Variants in SOD2 observed in about 807,000 individuals in gnomAD.
SOD2 encodes superoxide dismutase [Mn], mitochondrial.
A neutral mutation model predicts 27.0 loss-of-function variants in SOD2; 11 were observed. The observed-to-expected ratio is 0.41, with a 90% CI of 0.26 to 0.67. The LOEUF is 0.67. Ranked by LOEUF, SOD2 falls within the 30% of genes least tolerant of loss-of-function variation. The pLI is 0.34. For synonymous variants in SOD2, 105 were observed against 103.0 expected (o/e 1.02, Z -0.12); for missense variants, 250 against 274.5 (o/e 0.91, Z 0.63).
In SOD2 at chr6:159,682,440, C is replaced by G; in HGVS notation, c.*53G>C. On this transcript the variant is annotated 3_prime_UTR_variant, in exon 5 of 5. Coordinates refer to ENST00000538183, the MANE Select transcript of SOD2 (RefSeq NM_000636.4). Reference sequence around the variant, plus strand: ...TACTGTATTCTGCAGTACTCTATACCACTACAAAAACAGTCATAAAGAGCT... The same window carrying G: ...TACTGTATTCTGCAGTACTCTATACGACTACAAAAACAGTCATAAAGAGCT... The G allele has an allele frequency of 3.2e-6, 5 of 1,554,832 alleles. No homozygotes were observed. Among genetic ancestry groups the G allele is most frequent in the Non-Finnish European group, 4.4e-6 (5 of 1,141,660 alleles).
chr6:159,707,507 G>C (rs2114815593), intron 1 of SOD2, among the ~76,000 whole-genome samples: 2 of 152,294 alleles, frequency 1.3e-5, no homozygotes, highest in East Asian at 3.9e-4. Flanking sequence ...AAATAAACTA[G>C]AAAATCTAGA....
intron 1 of SOD2, among the ~76,000 whole-genome samples, chr6:159,707,134 T>C (rs1777642396): frequency 1.3e-5 from 2 of 151,340 alleles, no homozygotes; most frequent in African/African-American, 4.9e-5. Flanking sequence ...TAGAGAGAAA[T>C]TTATAGCACT....
chr6:159,687,342 G>A (rs1053322956), intron 3 of SOD2, among the ~76,000 whole-genome samples: 10 of 152,028 alleles, frequency 6.6e-5, no homozygotes, highest in African/African-American at 1.9e-4. Context: ...AAAATTAGCC[G>A]GGAGTGATGC....
upstream of SOD2, chr6:159,749,012 C>T (rs1454730546): frequency 4.0e-6 from 4 of 1,009,848 alleles, no homozygotes; most frequent in African/African-American, 1.7e-5. Flanking sequence ...AATAGATGTC[C>T]GTACAAGTAG....
Position 159,681,856 on chromosome 6 carries a change from CCTA to C in SOD2, c.*634_*636del, listed in dbSNP as rs1382931343. ...CCTGCAAATAAACATCCTCCTTTCT[CCTA>C]CTGCAAAAACCACCTTTTTGCAGTT... On this transcript the variant is annotated 3_prime_UTR_variant, in exon 5 of 5. Coordinates refer to ENST00000538183, the MANE Select transcript of SOD2 (RefSeq NM_000636.4). The C allele has an allele frequency of 6.6e-6, 1 of 152,226 alleles. No individual in the cohort carries two copies. Among genetic ancestry groups the C allele is most frequent in the Non-Finnish European group, 1.5e-5 (1 of 68,056 alleles). 9.4% of individuals were successfully genotyped at this position (152,226 alleles called of 1,614,324 possible).
rs771084422 is a variant in SOD2, at chr6:159,692,500, G to C, written c.226+161C>G. The C allele has an allele frequency of 4.8e-6, 7 of 1,456,832 alleles. No homozygotes were observed. In the South Asian group the frequency reaches 1.0e-4, roughly 21 times the overall value. The allele number at this position is 1,456,832 out of a possible 1,614,324, so 90.2% of individuals were successfully genotyped here. A position where few individuals can be genotyped will look rare whatever the true frequency, so the allele number is the denominator to read the frequency against. On this transcript the variant is annotated intron_variant, in intron 2 of 4. Coordinates refer to ENST00000538183, the MANE Select transcript of SOD2 (RefSeq NM_000636.4). The stretch of plus-strand genomic sequence containing the variant: ...GAGGCACTCCTTCTACAATGAGGTA[G>C]ACCATGTGTTTAAAAGAGAGACTAT...
intron 1 of SOD2, among the ~76,000 whole-genome samples, chr6:159,735,620 G>A (rs911566096): frequency 6.6e-6 from 1 of 152,048 alleles, no homozygotes; most frequent in African/African-American, 2.4e-5. Flanking sequence ...GTGGTGGCAC[G>A]CACCTGTAGT....
intron 1 of SOD2, among the ~76,000 whole-genome samples, chr6:159,724,898 G>A (rs1583049694): frequency 6.7e-6 from 1 of 148,174 alleles, no homozygotes; most frequent in African/African-American, 2.5e-5. Flanking sequence ...AAGGAAGGGA[G>A]GGGGGAAGAG....
chr6:159,734,810 T>C (rs551266783), intron 1 of SOD2, among the ~76,000 whole-genome samples: 2 of 148,594 alleles, frequency 1.3e-5, no homozygotes, highest in South Asian at 4.2e-4. Flanking sequence ...TATATAAAGA[T>C]TTTATGTTTG....
chr6:159,714,725 A>G (rs537199086), intron 1 of SOD2, among the ~76,000 whole-genome samples: 1 of 152,180 alleles, frequency 6.6e-6, no homozygotes, highest in Admixed American at 6.5e-5. Flanking sequence ...CATTTTCATC[A>G]GAAGCCTTTG....
chr6:159,713,022 A>T (rs1222045450), intron 1 of SOD2: 10 of 637,160 alleles, frequency 1.6e-5, no homozygotes, highest in Middle Eastern at 2.6e-4. Flanking sequence ...CTACCAGTAA[A>T]CTCTGTCATC....
rs1392425171 is a variant in SOD2, at chr6:159,690,267, A to G, written c.227-2025T>C. Among the ~76,000 whole-genome samples, 3 of 144,486 alleles carry G rather than the reference A, an allele frequency of 2.1e-5. No homozygotes were observed. The East Asian group carries it at 6.3e-4, about 30-fold the overall frequency. 94.8% of individuals were successfully genotyped at this position (144,486 alleles called of 152,430 possible). A position where few individuals can be genotyped will look rare whatever the true frequency, so the allele number is the denominator to read the frequency against. ...ACATCACTGCACTCCAACCTGCGGG[A>G]CAGACTGAGATTCCGTCAAAAAAAA... On this transcript the variant is annotated intron_variant, in intron 2 of 4. Coordinates refer to ENST00000538183, the MANE Select transcript of SOD2 (RefSeq NM_000636.4).
intron 1 of SOD2, chr6:159,756,150 C>T (rs1780006414): frequency 6.5e-6 from 1 of 152,966 alleles, no homozygotes; most frequent in Non-Finnish European, 1.5e-5. Flanking sequence ...GTTTTTTCCA[C>T]CATACATCTG....
At chr6:159,712,500 A>C (rs1307961177) in intron 1 of SOD2, among the ~76,000 whole-genome samples, 8 of 95,090 alleles carry the variant, frequency 8.4e-5, no homozygotes, top group Admixed American at 5.1e-4. Flanking sequence ...TCTGACCTCC[A>C]TAACCACCTC....
chr6:159,752,574 T>C (rs535875413), intron 1 of SOD2, among the ~76,000 whole-genome samples: 2 of 152,346 alleles, frequency 1.3e-5, no homozygotes, highest in African/African-American at 2.4e-5. Flanking sequence ...TTGGCAGATA[T>C]TTGCGTGTTT....
chr6:159,697,034 GACACACACAC>G (rs35334577), upstream of SOD2, among the ~76,000 whole-genome samples: 633 of 132,720 alleles, frequency 4.8e-3, 7 homozygotes, highest in African/African-American at 0.016. Flanking sequence ...AGGAGACCCT[GACACACACAC>G]ACACACACAC....
upstream of SOD2, among the ~76,000 whole-genome samples, chr6:159,694,577 T>TA (rs1487544239): frequency 2.0e-5 from 3 of 152,008 alleles, no homozygotes; most frequent in Admixed American, 6.6e-5. Context: ...AGGTTATAGA[T>TA]ACTCTTATTT....
chr6:159,735,167 G>A (rs1778828324), intron 1 of SOD2, among the ~76,000 whole-genome samples: 1 of 152,108 alleles, frequency 6.6e-6, no homozygotes, highest in African/African-American at 2.4e-5. Context: ...GTTTGAGATG[G>A]AGTCTCTGTT....
chr6:159,733,864 C>T (rs545725340), intron 1 of SOD2, among the ~76,000 whole-genome samples: 23 of 152,058 alleles, frequency 1.5e-4, no homozygotes, highest in Non-Finnish European at 2.9e-4. Flanking sequence ...TGCGGTGAGC[C>T]GAGATCGCGC....
Sources: allele counts gnomAD v4.1 joint callset (sites outside exome capture counted in the v4.1 genomes callset), GRCh38; gene constraint gnomAD v4.1.1; transcripts MANE v1.5; gene names NCBI Gene and HGNC (gene_info 2026-07-23, HGNC 2026-07-21).